Variants in MARCHF7 observed in about 807,000 individuals in gnomAD.
The protein encoded by MARCHF7 is membrane associated ring-CH-type finger 7, also known as E3 ubiquitin-protein ligase MARCHF7.
MARCHF7 carries 20 observed loss-of-function variants against 76.5 expected under a neutral mutation model. The ratio of observed to expected loss-of-function variants is 0.26; its 90% confidence interval spans 0.18 to 0.38. The LOEUF is 0.38. Among genes scored for constraint, MARCHF7 ranks in the 10% least tolerant of loss-of-function variants. MARCHF7 has a pLI of 1.00. For missense variants in MARCHF7, 797 were observed against 812.9 expected (o/e 0.98, Z 0.24); for synonymous variants, 295 against 293.0 (o/e 1.01, Z -0.07).
At chr2:159,724,210 TCTTAAGACTTTATTGTTGCTGTTAAG>T (rs1169819976) in intron 3 of MARCHF7, among the ~76,000 whole-genome samples, 1 of 152,242 alleles carries the variant, frequency 6.6e-6, no homozygotes, top group Non-Finnish European at 1.5e-5. Flanking sequence ...TATTTCATTG[TCTTAAGACTTTATTGTTGCTGTTAAG>T]CTGTTCTGAT....
chr2:159,764,214 G>GTA (rs1707454367), intron 10 of MARCHF7, among the ~76,000 whole-genome samples: 1 of 27,190 alleles, frequency 3.7e-5, no homozygotes, highest in South Asian at 7.1e-4. Flanking sequence ...TGGGAGTTTT[G>GTA]TGTGTGTGTG....
In MARCHF7 at chr2:159,770,318, G is replaced by C. The variant is rs556617166; in HGVS notation, c.*2976G>C. On this transcript the variant is annotated 3_prime_UTR_variant, in exon 12 of 12. Transcript: ENST00000409175. ...AGAGCATGCTTGTGCTTGTGTAACA[G>C]CTGGTGTAATGCCTGCATTTTCAGT... The C allele has an allele frequency of 6.6e-6, 1 of 152,268 alleles. No homozygotes were observed. Among genetic ancestry groups the C allele is most frequent in the Admixed American group, 6.5e-5 (1 of 15,292 alleles). 9.4% of individuals were successfully genotyped at this position (152,268 alleles called of 1,614,324 possible). A position where few individuals can be genotyped will look rare whatever the true frequency, so the allele number is the denominator to read the frequency against.
chr2:159,762,855 T>C, intron 9 of MARCHF7, 25 bp from the exon 10 acceptor site: 1 of 1,440,166 alleles, frequency 6.9e-7, no homozygotes, highest in Non-Finnish European at 9.7e-7. Flanking sequence ...ATTTTTCTTT[T>C]CTCCTGTTTG....
intron 4 of MARCHF7, among the ~76,000 whole-genome samples, chr2:159,732,684 C>T (rs1574274741): frequency 1.3e-5 from 2 of 152,074 alleles, no homozygotes; most frequent in South Asian, 2.1e-4. Flanking sequence ...CACACACACA[C>T]GTGGCTAATT....
At chr2:159,723,514 C>T (rs142653289) in intron 3 of MARCHF7, among the ~76,000 whole-genome samples, 108 of 152,316 alleles carry the variant, frequency 7.1e-4, no homozygotes, top group African/African-American at 2.4e-3. Context: ...TCTCTAGTCC[C>T]ACTTTGCAAA....
chr2:159,737,151 G>A (rs1355404950), intron 4 of MARCHF7, among the ~76,000 whole-genome samples: 1 of 152,084 alleles, frequency 6.6e-6, no homozygotes, highest in Non-Finnish European at 1.5e-5. Flanking sequence ...ATAGTCGGGA[G>A]GCAGGAAATG....
chr2:159,717,994 A>G (rs1701228118), intron 3 of MARCHF7, among the ~76,000 whole-genome samples: 2 of 152,328 alleles, frequency 1.3e-5, no homozygotes, highest in Non-Finnish European at 2.9e-5. Context: ...AGCCAACAAA[A>G]TTTCTACTGA....
At chr2:159,759,667 G>A (rs998698652) in intron 9 of MARCHF7, among the ~76,000 whole-genome samples, 1 of 152,008 alleles carries the variant, frequency 6.6e-6, no homozygotes, top group Non-Finnish European at 1.5e-5. Flanking sequence ...AGGAAAATTC[G>A]GGAGGTGGGG....
intron 8 of MARCHF7, among the ~76,000 whole-genome samples, chr2:159,756,600 T>C (rs1423076814): frequency 7.0e-6 from 1 of 142,362 alleles, no homozygotes; most frequent in African/African-American, 2.6e-5. Flanking sequence ...GGCAAGAGAA[T>C]CGCTTGAACC....
chr2:159,753,352 A>G (rs971135443), intron 8 of MARCHF7, among the ~76,000 whole-genome samples: 20 of 152,156 alleles, frequency 1.3e-4, no homozygotes, highest in Non-Finnish European at 2.1e-4. Flanking sequence ...CGGGCGGATC[A>G]CGAGGTCAGG....
intron 9 of MARCHF7, among the ~76,000 whole-genome samples, chr2:159,761,777 A>G (rs540378320): frequency 6.6e-5 from 10 of 152,302 alleles, no homozygotes; most frequent in Admixed American, 5.2e-4. Flanking sequence ...TACTAAGAAC[A>G]TAGAGTTCTT....
chr2:159,732,500 G>T (rs1247795518), intron 4 of MARCHF7, among the ~76,000 whole-genome samples: 2 of 152,044 alleles, frequency 1.3e-5, no homozygotes, highest in Non-Finnish European at 2.9e-5. Context: ...TGAAACTCCT[G>T]TGTTCTTGAA....
At chr2:159,714,943 G>A (rs1700866166) in intron 2 of MARCHF7, among the ~76,000 whole-genome samples, 1 of 152,120 alleles carries the variant, frequency 6.6e-6, no homozygotes, top group Non-Finnish European at 1.5e-5. Flanking sequence ...AATAAAGTTA[G>A]TGCTCTATGC....
chr2:159,748,870 G>C lies in MARCHF7; in HGVS notation c.1580G>C (p.Arg527Thr), dbSNP rs781519217. The C allele has an allele frequency of 6.2e-7, 1 of 1,611,646 alleles. No individual in the cohort carries two copies. The highest frequency in any genetic ancestry group is 2.2e-5 in the East Asian group (1 of 44,864). ...GATAAAACTAAAAGTGCGCCTTCAA[G>C]AGATCCAGAAAGATTGCAGAAAATA... ...KSDKTKSAPS[R>T]DPERLQKIKE... The change falls in exon 7 of 12, where the codon AGA (arginine) becomes ACA (threonine). Residue 527 changes from arginine (R) to threonine (T), a missense_variant. Coordinates refer to ENST00000409175, the MANE Select transcript of MARCHF7 (RefSeq NM_001282805.2).
intron 3 of MARCHF7, among the ~76,000 whole-genome samples, chr2:159,726,117 G>A (rs183498644): frequency 2.2e-4 from 33 of 152,294 alleles, no homozygotes; most frequent in Non-Finnish European, 3.8e-4. Flanking sequence ...GGACACAAGA[G>A]TGTTACCTAG....
chr2:159,735,271 G>T (rs879355056), intron 4 of MARCHF7, among the ~76,000 whole-genome samples: 1 of 152,216 alleles, frequency 6.6e-6, no homozygotes, highest in Non-Finnish European at 1.5e-5. Context: ...GCTAGTTTCT[G>T]TTCCTGTGCA....
chr2:159,739,373 C>T (rs72996623), intron 4 of MARCHF7, among the ~76,000 whole-genome samples: 2,137 of 152,276 alleles, frequency 0.014, 49 homozygotes, highest in African/African-American at 0.048. Flanking sequence ...AATAGTAATT[C>T]CCCCAAATAT....
At chr2:159,717,974 A>G (rs540500256) in intron 3 of MARCHF7, among the ~76,000 whole-genome samples, 13 of 152,384 alleles carry the variant, frequency 8.5e-5, no homozygotes, top group Non-Finnish European at 1.6e-4. Context: ...CAAATTTCAA[A>G]TAATGAAAAA....
rs1206276988 is a variant in MARCHF7, at chr2:159,753,051, C to T, written c.1783+480C>T. On this transcript the variant is annotated intron_variant, in intron 8 of 11. Coordinates refer to ENST00000409175, the MANE Select transcript of MARCHF7 (RefSeq NM_001282805.2). ...GTTATAGGATGGTAAAAAGACAAGGCACCTGCTTCTTGTAGTGATATTGGG... is the reference window on the plus strand; with the variant it reads ...GTTATAGGATGGTAAAAAGACAAGGTACCTGCTTCTTGTAGTGATATTGGG... Among the ~76,000 whole-genome samples the T allele has an allele frequency of 2.6e-5, 4 of 152,274 alleles. No individual in the cohort carries two copies. The East Asian group carries it at 7.7e-4, about 29-fold the overall frequency.
Sources: gnomAD v4.1 joint callset for allele counts (sites outside exome capture counted in the v4.1 genomes callset) on GRCh38, gnomAD v4.1.1 for gene constraint, MANE v1.5 for transcripts, NCBI Gene and HGNC (gene_info 2026-07-23, HGNC 2026-07-21) for gene names.